The following WDPCP variants were observed in gnomAD, a reference collection of about 807,000 sequenced individuals.
WDPCP encodes the protein WD repeat containing planar cell polarity effector.
A neutral mutation model predicts 93.1 loss-of-function variants in WDPCP; 71 were observed. That is an observed-to-expected ratio of 0.76 (90% CI 0.63 to 0.93). The LOEUF (loss-of-function observed/expected upper bound fraction) is 0.93. Among genes scored for constraint, WDPCP ranks in the 40% least tolerant of loss-of-function variants. The probability of loss-of-function intolerance (pLI) is 0.00; values close to 1 mark genes in which losing one functional copy is unlikely to be tolerated. For missense variants in WDPCP, 844 were observed against 887.4 expected, an observed-to-expected ratio of 0.95 and a Z score of 0.62; for synonymous variants, 315 against 315.0, an observed-to-expected ratio of 1.00 and a Z score of 0.00.
At chr2:63,197,996 C>A (rs1286353391) in intron 14 of WDPCP, among the ~76,000 whole-genome samples, 1 of 152,150 alleles carries the variant, frequency 6.6e-6, no homozygotes, top group Non-Finnish European at 1.5e-5. Flanking sequence ...ATTTTGTCTA[C>A]TGCTCATTTT....
chr2:63,169,809 G>A (rs1258715015), intron 15 of WDPCP, among the ~76,000 whole-genome samples: 1 of 150,618 alleles, frequency 6.6e-6, no homozygotes, highest in African/African-American at 2.4e-5. Flanking sequence ...GTTTTATTAT[G>A]AGTTTATTCT....
intron 1 of WDPCP, among the ~76,000 whole-genome samples, chr2:63,517,251 TATA>T (rs1376517781): frequency 7.2e-5 from 11 of 151,894 alleles, no homozygotes; most frequent in Non-Finnish European, 1.5e-4. Flanking sequence ...ATATATTATG[TATA>T]ATATTTAATA....
chr2:63,248,226 C>G (rs1447344569), intron 14 of WDPCP, among the ~76,000 whole-genome samples: 1 of 152,036 alleles, frequency 6.6e-6, no homozygotes, highest in Admixed American at 6.6e-5. Context: ...CCCAGTCTTC[C>G]TGGACATATA....
intron 14 of WDPCP, among the ~76,000 whole-genome samples, chr2:63,238,382 T>C (rs1242509936): frequency 6.6e-6 from 1 of 152,156 alleles, no homozygotes; most frequent in Non-Finnish European, 1.5e-5. Flanking sequence ...GGGAACTACA[T>C]TTTAAAATTT....
chr2:63,519,531 C>T (rs1284136818), intron 1 of WDPCP, among the ~76,000 whole-genome samples: 3 of 152,166 alleles, frequency 2.0e-5, no homozygotes, highest in African/African-American at 7.2e-5. Context: ...CACCTCAGCC[C>T]CTCCAGCACA....
chr2:63,330,969 C>G (rs1328477905), intron 12 of WDPCP, among the ~76,000 whole-genome samples: 2 of 147,706 alleles, frequency 1.4e-5, no homozygotes. Flanking sequence ...CTCCCAGGTT[C>G]AAGGATCCTC....
At chr2:63,715,903 G>A (rs947954321) in intron 2 of WDPCP, among the ~76,000 whole-genome samples, 1 of 152,194 alleles carries the variant, frequency 6.6e-6, no homozygotes, top group East Asian at 1.9e-4. Flanking sequence ...GAAAGACATG[G>A]TATAGGAATT....
intron 12 of WDPCP, among the ~76,000 whole-genome samples, chr2:63,374,244 C>T (rs959641587): frequency 6.6e-6 from 1 of 152,076 alleles, no homozygotes; most frequent in Admixed American, 6.6e-5. Context: ...GTAAACCAAG[C>T]ACCTATCTTA....
intron 2 of WDPCP, among the ~76,000 whole-genome samples, chr2:63,721,064 G>C (rs914812004): frequency 6.6e-6 from 1 of 152,178 alleles, no homozygotes; most frequent in Non-Finnish European, 1.5e-5. Context: ...GCAAACAACA[G>C]TTCTTTAACA....
chr2:63,508,319 C>T (rs1043461588), intron 1 of WDPCP, among the ~76,000 whole-genome samples: 3 of 152,146 alleles, frequency 2.0e-5, no homozygotes, highest in African/African-American at 7.2e-5. Flanking sequence ...CCCAGAATTT[C>T]ATATGCAACC....
upstream of WDPCP, chr2:63,588,969 GT>G: frequency 1.2e-6 from 2 of 1,609,882 alleles, no homozygotes; most frequent in South Asian, 2.2e-5. Flanking sequence ...CTCCGAGTCA[GT>G]TCCGCGGTAG....
intron 12 of WDPCP, among the ~76,000 whole-genome samples, chr2:63,333,726 C>T (rs1223448379): frequency 2.0e-5 from 3 of 152,186 alleles, no homozygotes; most frequent in Admixed American, 6.5e-5. Flanking sequence ...AAGTCTCATG[C>T]CTCCCTAAAA....
chr2:63,386,001 G>A (rs1438204743), intron 10 of WDPCP, among the ~76,000 whole-genome samples: 1 of 151,966 alleles, frequency 6.6e-6, no homozygotes, highest in African/African-American at 2.4e-5. Flanking sequence ...GACAATTGGT[G>A]CTGGAACAAT....
At chr2:63,721,891 C>T (rs1040959514) in intron 2 of WDPCP, among the ~76,000 whole-genome samples, 1 of 152,202 alleles carries the variant, frequency 6.6e-6, no homozygotes, top group East Asian at 1.9e-4. Flanking sequence ...AGGCTCGCGC[C>T]GCCACGCCTG....
chr2:63,315,930 A>C (rs965285175), intron 12 of WDPCP, among the ~76,000 whole-genome samples: 1 of 145,944 alleles, frequency 6.9e-6, no homozygotes, highest in African/African-American at 2.4e-5. Flanking sequence ...CTGGGGTAAT[A>C]CTTTTTTTTT....
intron 2 of WDPCP, among the ~76,000 whole-genome samples, chr2:63,812,426 C>A (rs927245449): frequency 2.0e-5 from 3 of 152,010 alleles, no homozygotes; most frequent in Non-Finnish European, 2.9e-5. Flanking sequence ...AAATATATAC[C>A]CACTAACGGC....
intron 17 of WDPCP, among the ~76,000 whole-genome samples, chr2:63,140,183 T>C (rs553595540): frequency 1.3e-5 from 2 of 152,332 alleles, no homozygotes; most frequent in South Asian, 4.1e-4. Context: ...TGCCTATTTT[T>C]ATACCAGTAC....
At chr2:63,816,960 C>T (rs1358242962) in intron 1 of WDPCP, among the ~76,000 whole-genome samples, 2 of 152,118 alleles carry the variant, frequency 1.3e-5, no homozygotes, top group East Asian at 3.8e-4. Context: ...AGTGGTTAAC[C>T]TCTGGGGGCA....
At chr2:63,692,726 A>G (rs962398840) in intron 2 of WDPCP, among the ~76,000 whole-genome samples, 1 of 152,354 alleles carries the variant, frequency 6.6e-6, no homozygotes, top group South Asian at 2.1e-4. Context: ...CTTCATTCTG[A>G]AAAATATATC....
Sources: gnomAD v4.1 joint callset for allele counts (sites outside exome capture counted in the v4.1 genomes callset) on GRCh38, gnomAD v4.1.1 for gene constraint, MANE v1.5 for transcripts, NCBI Gene and HGNC (gene_info 2026-07-23, HGNC 2026-07-21) for gene names.